The following FBXL8 variants were observed in gnomAD, a reference collection of about 807,000 sequenced individuals.
The protein encoded by FBXL8 is F-box/LRR-repeat protein 8.
In FBXL8, 13 loss-of-function variants were observed where a neutral mutation model predicts 8.2. The ratio of observed to expected loss-of-function variants is 1.58; its 90% confidence interval spans 1.03 to 2.51. The LOEUF is 2.51. FBXL8 is among the 30% of genes most tolerant of loss of function. The pLI is 0.00. For synonymous variants in FBXL8, 271 were observed against 260.5 expected, an observed-to-expected ratio of 1.04 and a Z score of -0.39; for missense variants, 565 against 540.4, an observed-to-expected ratio of 1.05 and a Z score of -0.45.
intron 1 of FBXL8, among the ~76,000 whole-genome samples, chr16:67,161,534 G>A (rs1320116334): frequency 1.3e-5 from 2 of 152,114 alleles, no homozygotes; most frequent in Non-Finnish European, 2.9e-5. Context: ...CAGATTCCTG[G>A]GCCTTACCCT....
chr16:67,163,291 A>T lies in FBXL8; in HGVS notation c.596A>T (p.His199Leu). The T allele has an allele frequency of 2.5e-6, 4 of 1,576,780 alleles. No homozygotes were observed. The highest frequency in any genetic ancestry group is 3.4e-6 in the Non-Finnish European group (4 of 1,163,210). Residue 199 changes from histidine (H) to leucine (L), a missense_variant, in exon 3 of 3, where the codon CAC (histidine) becomes CTC (leucine). Coordinates refer to ENST00000258200, the MANE Select transcript of FBXL8 (RefSeq NM_018378.3). ...CCGCGCCTGCGCGCTCTCGGCCTGC[A>T]CCTAGCCAGTTTGTCGCACGCCATC... Reference protein sequence around the residue: ...ACPRLRALGLHLASLSHAILE... With the variant: ...ACPRLRALGLLLASLSHAILE...
chr16:67,161,626 G>C, intron 1 of FBXL8, 109 bp from the exon 2 acceptor site: 1 of 830,082 alleles, frequency 1.2e-6, no homozygotes, highest in South Asian at 2.2e-5. Context: ...GCCCCACGCT[G>C]TCTGAGAGGC....
At chr16:67,162,058 G>T (rs1344736166) in intron 2 of FBXL8, 121 bp downstream of exon 2, 1 of 1,325,380 alleles carries the variant, frequency 7.5e-7, no homozygotes, top group Admixed American at 2.9e-5. Context: ...GGCCGGGCGT[G>T]GTGGCTCATG....
At chr16:67,162,508 A>G in intron 2 of FBXL8, 1 of 686,326 alleles carries the variant, frequency 1.5e-6, no homozygotes, top group East Asian at 2.7e-5. Flanking sequence ...ATCACTTCCC[A>G]CGGGTCACTC....
At chr16:67,162,082 C>A (rs1480022011) in intron 2 of FBXL8, 145 bp downstream of exon 2, 2 of 1,168,888 alleles carry the variant, frequency 1.7e-6, no homozygotes, top group Admixed American at 3.2e-5. Flanking sequence ...GTAATCCCAG[C>A]ACTTTGGCAG....
chr16:67,162,560 G>A (rs927537598), intron 2 of FBXL8: 1 of 703,210 alleles, frequency 1.4e-6, no homozygotes, highest in South Asian at 1.5e-5. Context: ...CTAGCAGTCC[G>A]GAGGCCATGC....
chr16:67,161,797 T>C lies in FBXL8; in HGVS notation c.12T>C (p.Pro4=), dbSNP rs751466702. 1.2e-6 allele frequency: 2 copies of C among 1,606,820 alleles called. No individual in the cohort carries two copies. The highest frequency in any genetic ancestry group is 1.7e-6 in the Non-Finnish European group (2 of 1,176,652). MAE[P]GEGLPEEVLA... ...GCCGGATCTGGGCCATGGCCGAGCC[T>C]GGAGAGGGACTGCCAGAGGAGGTGC... The change falls in exon 2 of 3, where the codon CCT becomes CCC. Residue 4 remains proline, a synonymous_variant. Transcript: ENST00000258200.
At position 67,163,138 on chromosome 16, in the gene FBXL8, C is replaced by A; in HGVS notation, c.443C>A (p.Thr148Lys). 1 of 1,571,540 alleles carries A rather than the reference C, an allele frequency of 6.4e-7. No individual in the cohort carries two copies. The part of the protein sequence containing the change: ...RHLDLRRLSF[T>K]LDDALVLQAA... ...CTCGACCTGCGGCGCTTGTCCTTCACACTGGACGACGCGCTGGTGCTGCAG... is the reference window on the plus strand; with the variant it reads ...CTCGACCTGCGGCGCTTGTCCTTCAAACTGGACGACGCGCTGGTGCTGCAG... Residue 148 changes from threonine to lysine, a missense_variant, in exon 3 of 3, where the codon ACA becomes AAA. By Grantham distance (78) the Thr-to-Lys change is moderately conservative. Transcript: ENST00000258200.
At position 67,163,111 on chromosome 16, in the gene FBXL8, A is replaced by G; in HGVS notation, c.416A>G (p.His139Arg). The stretch of plus-strand genomic sequence containing the variant: ...TGCGGGGCGGCCAGCCAGCTACGCC[A>G]CCTCGACCTGCGGCGCTTGTCCTTC... ...AVCGAASQLR[H>R]LDLRRLSFTL... Residue 139 changes from histidine (H) to arginine (R), a missense_variant, in exon 3 of 3, where the codon CAC becomes CGC. His to Arg is a conservative substitution (Grantham distance 29, BLOSUM62 0). Transcript: ENST00000258200. 1 of 1,580,704 alleles carries G rather than the reference A, an allele frequency of 6.3e-7. No individual in the cohort carries two copies. Among genetic ancestry groups the G allele is most frequent in the Non-Finnish European group, 8.6e-7 (1 of 1,164,218 alleles).
Position 67,163,929 on chromosome 16 carries a change from C to A in FBXL8, c.*109C>A, listed in dbSNP as rs534054261. On this transcript the variant is annotated 3_prime_UTR_variant, in exon 3 of 3. Coordinates refer to ENST00000258200, the MANE Select transcript of FBXL8 (RefSeq NM_018378.3). ...TAGTGCCTTCTTTTGGGATTGTTGC[C>A]CCCCGGGTCTTTACCGAGTTGGGAA... 1.4e-6 allele frequency: 2 copies of A among 1,476,112 alleles called. No individual in the cohort carries two copies. The highest frequency in any genetic ancestry group is 2.4e-5 in the East Asian group (1 of 41,502). 91.4% of individuals were successfully genotyped at this position (1,476,112 alleles called of 1,614,324 possible). A position where few individuals can be genotyped will look rare whatever the true frequency, so the allele number is the denominator to read the frequency against.
At chr16:67,162,343 A>G (rs2030942733) in intron 2 of FBXL8, 1 of 489,112 alleles carries the variant, frequency 2.0e-6, no homozygotes, top group Admixed American at 3.4e-5. Context: ...AATAATAATA[A>G]TTGCTGACGT....
intron 2 of FBXL8, 129 bp from the exon 3 acceptor site, chr16:67,162,719 G>A (rs1342212130): frequency 6.1e-6 from 8 of 1,315,778 alleles, no homozygotes; most frequent in African/African-American, 1.5e-5. Context: ...GTCGTGGTCT[G>A]AACAGAGACG....
In FBXL8 at chr16:67,163,448, G is replaced by A. The variant is rs1404769284; in HGVS notation, c.753G>A (p.Gly251=). The change falls in exon 3 of 3, where the codon GGG becomes GGA. Residue 251 remains glycine, a synonymous_variant. Coordinates refer to ENST00000258200, the MANE Select transcript of FBXL8 (RefSeq NM_018378.3). ...AWVALRRRHP[G]LAVELELEPA... is the part of the protein sequence containing the mutation. ...TCGCGTTGCGCCGCCGCCACCCTGG[G>A]CTGGCAGTGGAGCTGGAGCTGGAGC... The A allele has an allele frequency of 6.5e-7, 1 of 1,536,212 alleles. No individual in the cohort carries two copies.
Position 67,163,762 on chromosome 16 carries a change from C to T in FBXL8, c.1067C>T (p.Thr356Ile). 2 of 1,585,736 alleles carry T rather than the reference C, an allele frequency of 1.3e-6. No individual in the cohort carries two copies. The highest frequency in any genetic ancestry group is 1.1e-5 in the South Asian group (1 of 88,876). ...CGCGCGCACTGCCCGCGCCTGCGCA[C>T]CTATACCCTCAAGCTCACGCGCGAG... ...AFRAHCPRLR[T>I]YTLKLTREPH... Residue 356 changes from threonine to isoleucine, a missense_variant, in exon 3 of 3, where the codon ACC becomes ATC. Thr to Ile is a moderately conservative substitution (Grantham distance 89). Transcript: ENST00000258200.
chr16:67,163,896 C>T lies in FBXL8; in HGVS notation c.*76C>T. 1 of 1,524,198 alleles carries T rather than the reference C, an allele frequency of 6.6e-7. No homozygotes were observed. The highest frequency in any genetic ancestry group is 8.8e-7 in the Non-Finnish European group (1 of 1,141,814). The allele number at this position is 1,524,198 out of a possible 1,614,324, so 94.4% of individuals were successfully genotyped here. On this transcript the variant is annotated 3_prime_UTR_variant, in exon 3 of 3. Coordinates refer to ENST00000258200, the MANE Select transcript of FBXL8 (RefSeq NM_018378.3). ...AACGGGGGGGGTGTCCAGGCGCGCC[C>T]CGAGTGCTAGTGCCTTCTTTTGGGA...
In FBXL8 at chr16:67,162,902, CCA is replaced by C. The variant is rs748115707; in HGVS notation, c.210_211del (p.Ile71SerfsTer8). 93 of 1,552,804 alleles carry C rather than the reference CCA, an allele frequency of 6.0e-5. No homozygotes were observed. The African/African-American group carries it at 1.1e-3, about 18-fold the overall frequency. On this transcript the variant is annotated frameshift_variant, in exon 3 of 3. Transcript: ENST00000258200. LOFTEE classifies it low-confidence loss of function (END_TRUNC). ...CACCTTATCTGTCCGCCTGCCTCGA[CCA>C]CATTCACAACCTACGGCTGGAATTT... Reference protein sequence around the residue: ...LPPYLSACLDHIHNLRLEFEP... With the variant: ...LPPYLSACLDXIHNLRLEFEP...
Position 67,163,378 on chromosome 16 carries a change from GC to G in FBXL8, c.687del (p.Glu230LysfsTer38), listed in dbSNP as rs1197547341. On this transcript the variant is annotated frameshift_variant, in exon 3 of 3. Transcript: ENST00000258200. LOFTEE classifies it low-confidence loss of function (END_TRUNC). ...PFALLALRCA[C>X]PEDARASPLP... Reference sequence around the variant, plus strand: ...GCGCTCTTGGCTCTGCGGTGCGCGTGCCCCGAAGATGCACGCGCGTCCCCGC... The same window carrying G: ...GCGCTCTTGGCTCTGCGGTGCGCGTGCCCGAAGATGCACGCGCGTCCCCGC... 1.3e-6 allele frequency: 2 copies of G among 1,543,236 alleles called. No homozygotes were observed. The highest frequency in any genetic ancestry group is 2.7e-5 in the African/African-American group (2 of 73,166).
chr16:67,163,490 G>C lies in FBXL8; in HGVS notation c.795G>C (p.Glu265Asp). 1 of 1,539,060 alleles carries C rather than the reference G, an allele frequency of 6.5e-7. No individual in the cohort carries two copies. Among genetic ancestry groups the C allele is most frequent in the South Asian group, 1.2e-5 (1 of 84,772 alleles). ...AGCTGGAGCCCGCGCTGCCCGCTGA[G>C]AGCGTGACGCGCGTCCTGCAGCCAG... Reference protein sequence around the residue: ...ELELEPALPAESVTRVLQPAV... With the variant: ...ELELEPALPADSVTRVLQPAV... Residue 265 changes from glutamate (E) to aspartate (D), a missense_variant, in exon 3 of 3, where the codon GAG (glutamate) becomes GAC (aspartate). Coordinates refer to ENST00000258200, the MANE Select transcript of FBXL8 (RefSeq NM_018378.3).
chr16:67,161,706 C>T, intron 1 of FBXL8, 29 bp from the exon 2 acceptor site: 2 of 1,448,262 alleles, frequency 1.4e-6, no homozygotes, highest in Non-Finnish European at 1.8e-6. Flanking sequence ...TGCGCCTTCC[C>T]GACCTCAGAG....
Sources: gnomAD v4.1 joint callset for allele counts (sites outside exome capture counted in the v4.1 genomes callset) on GRCh38, gnomAD v4.1.1 for gene constraint, MANE v1.5 for transcripts, NCBI Gene and HGNC (gene_info 2026-07-23, HGNC 2026-07-21) for gene names.